TKT: variants seen among roughly 807,000 people sequenced by gnomAD.
TKT encodes the protein epididymis luminal protein 107.
Under a neutral mutation model 63.9 loss-of-function variants are expected in TKT, and 47 were observed. The observed-to-expected ratio is 0.74, with a 90% CI of 0.58 to 0.94. The LOEUF (loss-of-function observed/expected upper bound fraction) is 0.94. TKT is among the 40% of genes least tolerant of loss of function. The pLI is 0.00. For synonymous variants in TKT, 338 were observed against 334.1 expected (o/e 1.01, Z -0.13); for missense variants, 721 against 846.2 (o/e 0.85, Z 1.84).
chr3:53,254,529 TC>T (rs1705896414), intron 1 of TKT, among the ~76,000 whole-genome samples: 4 of 152,138 alleles, frequency 2.6e-5, no homozygotes, highest in Admixed American at 2.6e-4. Context: ...TAATAATATA[TC>T]CTGAATGAAA....
chr3:53,238,196 G>T (rs1705121485), intron 4 of TKT, among the ~76,000 whole-genome samples: 1 of 152,200 alleles, frequency 6.6e-6, no homozygotes, highest in South Asian at 2.1e-4. Context: ...ACACTGACTT[G>T]TTCCATTATG....
At chr3:53,227,338 T>A (rs1226487758) in intron 12 of TKT, 1 of 163,004 alleles carries the variant, frequency 6.1e-6, no homozygotes, top group Non-Finnish European at 1.3e-5. Context: ...TGCCAGGCCC[T>A]GCTTAAAGCT....
chr3:53,238,418 C>G (rs1026708043), intron 4 of TKT, among the ~76,000 whole-genome samples: 1 of 152,252 alleles, frequency 6.6e-6, no homozygotes, highest in African/African-American at 2.4e-5. Context: ...AAACTGTGGT[C>G]AGGTGACACT....
rs782434551 is a variant in TKT at position 53,228,330 on chromosome 3, T to C, written c.1425A>G (p.Pro475=). ...TGTTGTTATAGATGATGGCATTTTC[T>C]GGGCGGCTGGTCCGGATGAAGCAGA... ...KGICFIRTSR[P]ENAIIYNNNE... The change falls in exon 11 of 14, where the codon CCA becomes CCG. Residue 475 remains proline (P), a synonymous_variant. Coordinates refer to ENST00000462138, the MANE Select transcript of TKT (RefSeq NM_001064.4). 6.2e-7 allele frequency: 1 copy of C among 1,614,178 alleles called. No individual in the cohort carries two copies. Among genetic ancestry groups the C allele is most frequent in the Non-Finnish European group, 8.5e-7 (1 of 1,180,020 alleles).
intron 1 of TKT, among the ~76,000 whole-genome samples, chr3:53,253,408 A>G (rs1705842410): frequency 6.6e-6 from 1 of 152,100 alleles, no homozygotes; most frequent in East Asian, 1.9e-4. Flanking sequence ...CCTGGGCTCA[A>G]GTGATCCTCT....
At chr3:53,234,753 A>G in intron 5 of TKT, 1 of 430,616 alleles carries the variant, frequency 2.3e-6, no homozygotes, top group South Asian at 4.8e-5. Context: ...CCACCATGCC[A>G]CAACCACGAA....
At chr3:53,247,250 G>A (rs1423783372) in intron 1 of TKT, among the ~76,000 whole-genome samples, 1 of 149,718 alleles carries the variant, frequency 6.7e-6, no homozygotes, top group African/African-American at 2.5e-5. Flanking sequence ...CCAGCTACTT[G>A]GGAGACTGAG....
intron 1 of TKT, among the ~76,000 whole-genome samples, chr3:53,244,965 C>T (rs530450798): frequency 9.9e-4 from 150 of 151,798 alleles, no homozygotes; most frequent in Middle Eastern, 3.4e-3. Flanking sequence ...CAACCTGTGA[C>T]GGTGGTGTGG....
In TKT at chr3:53,234,944, C is replaced by T. The variant is rs372940153; in HGVS notation, c.629+39G>A. ...AAGCTGTGATCACAGACCACTCTCC[C>T]GTGCTGTGACCACACTCAGGCCACA... is the stretch of plus-strand genomic sequence containing the variant. On this transcript the variant is annotated intron_variant, in intron 5 of 13. Coordinates refer to ENST00000462138, the MANE Select transcript of TKT (RefSeq NM_001064.4). 3.3e-5 allele frequency: 51 copies of T among 1,566,666 alleles called. 1 individual carries two copies. In the Middle Eastern group the frequency reaches 5.4e-4, roughly 17 times the overall value.
Position 53,245,930 on chromosome 3 carries a change from G to C in TKT, c.108-3688C>G, listed in dbSNP as rs560704516. On this transcript the variant is annotated intron_variant, in intron 1 of 13. Transcript: ENST00000462138. ...TAACTCCCAGCAACTTCACCAGTAGGAACATACAGTGAAATGTACTCACAT... is the reference window on the plus strand; with the variant it reads ...TAACTCCCAGCAACTTCACCAGTAGCAACATACAGTGAAATGTACTCACAT... Among the ~76,000 whole-genome samples, 3 of 151,386 alleles carry C rather than the reference G, an allele frequency of 2.0e-5. No individual in the cohort carries two copies. The East Asian group carries it at 5.8e-4, about 29-fold the overall frequency.
At chr3:53,229,551 T>C (rs1704654139) in intron 8 of TKT, 115 bp from the exon 9 acceptor site, 3 of 1,219,062 alleles carry the variant, frequency 2.5e-6, no homozygotes, top group Non-Finnish European at 3.4e-6. Context: ...CCATCCTTTC[T>C]GGGCTTCTGA....
chr3:53,229,179 C>A (rs782462142), intron 9 of TKT, 42 bp from the exon 10 acceptor site: 7 of 1,613,212 alleles, frequency 4.3e-6, no homozygotes, highest in Non-Finnish European at 5.9e-6. Flanking sequence ...AAGACCCCTA[C>A]CCCCCCATCC....
rs1435404652 is a variant in TKT, at chr3:53,228,920, C to A, written c.1395+87G>T. ...CAAGGTCAGGAAACACCCCCTGGGGCAGCAAGTGACCAGCTCTGGCCTCCT... is the reference window on the plus strand; with the variant it reads ...CAAGGTCAGGAAACACCCCCTGGGGAAGCAAGTGACCAGCTCTGGCCTCCT... On this transcript the variant is annotated intron_variant, in intron 10 of 13. Coordinates refer to ENST00000462138, the MANE Select transcript of TKT (RefSeq NM_001064.4). The A allele has an allele frequency of 1.9e-5, 29 of 1,554,610 alleles. No individual in the cohort carries two copies. The South Asian group carries it at 3.5e-4, about 19-fold the overall frequency.
chr3:53,248,889 A>G (rs1171059560), intron 1 of TKT, among the ~76,000 whole-genome samples: 1 of 152,218 alleles, frequency 6.6e-6, no homozygotes, highest in Non-Finnish European at 1.5e-5. Flanking sequence ...AAATCTCTGC[A>G]AATTCATTAA....
In TKT at chr3:53,232,795, C is replaced by G. The variant is rs556207436; in HGVS notation, c.748+361G>C. 8 of 410,072 alleles carry G rather than the reference C, an allele frequency of 2.0e-5. No individual in the cohort carries two copies. The East Asian group carries it at 2.2e-4, about 11-fold the overall frequency. 25.4% of individuals were successfully genotyped at this position (410,072 alleles called of 1,614,324 possible). ...GCCTGGCTCTGTGTCGGCCCTTCAG[C>G]TGGAGCAGGTGGCCGGAGCTGGCAG... On this transcript the variant is annotated intron_variant, in intron 6 of 13. Transcript: ENST00000462138.
intron 1 of TKT, among the ~76,000 whole-genome samples, chr3:53,254,553 C>CAGAATCTTGTCTGTCTGAA (rs1464014939): frequency 6.6e-6 from 1 of 152,192 alleles, no homozygotes; most frequent in Non-Finnish European, 1.5e-5. Context: ...GGCCAGAAGC[C>CAGAATCTTGTCTGTCTGAA]AGAATCTTGT....
chr3:53,231,278 C>T, intron 7 of TKT, 79 bp downstream of exon 7: 1 of 1,513,148 alleles, frequency 6.6e-7, no homozygotes, highest in Non-Finnish European at 9.0e-7. Flanking sequence ...CTTTCCCAGC[C>T]CTCCAGAGGG....
In TKT at chr3:53,225,992, G is replaced by A; in HGVS notation, c.1697-61C>T. ...CTCAGGGTGAGCAGTGGTGGGCCCA[G>A]CCCTCTGTCAGCCTTAGTCAAGGAT... On this transcript the variant is annotated intron_variant, in intron 13 of 13. Coordinates refer to ENST00000462138, the MANE Select transcript of TKT (RefSeq NM_001064.4). 2.0e-6 allele frequency: 3 copies of A among 1,517,366 alleles called. No homozygotes were observed. In the South Asian group the frequency reaches 3.8e-5, roughly 19 times the overall value. The allele number at this position is 1,517,366 out of a possible 1,614,324, so 94.0% of individuals were successfully genotyped here.
chr3:53,233,333 C>T, intron 5 of TKT, 59 bp from the exon 6 acceptor site: 1 of 1,404,806 alleles, frequency 7.1e-7, no homozygotes, highest in Non-Finnish European at 9.7e-7. Flanking sequence ...ACCGAGGAGC[C>T]TTCCAGGGAA....
Sources: gnomAD v4.1 joint callset for allele counts (sites outside exome capture counted in the v4.1 genomes callset) on GRCh38, gnomAD v4.1.1 for gene constraint, MANE v1.5 for transcripts, NCBI Gene and HGNC (gene_info 2026-07-23, HGNC 2026-07-21) for gene names.